AMZ1: variants seen among roughly 807,000 people sequenced by gnomAD.
The protein encoded by AMZ1 is archaelysin family metallopeptidase 1, also known as archaemetzincin-1.
AMZ1 carries 39 observed loss-of-function variants against 29.9 expected under a neutral mutation model. The ratio of observed to expected loss-of-function variants is 1.30; its 90% CI spans 1.01 to 1.70. The LOEUF is 1.70. Ranked by LOEUF, AMZ1 falls within the 40% of genes most tolerant of loss-of-function variation. AMZ1 has a pLI of 0.00. For missense variants in AMZ1, 1,041 were observed against 680.6 expected (o/e 1.53, Z -5.89); for synonymous variants, 458 against 304.0 (o/e 1.51, Z -5.27).
chr7:2,743,856 C>T (rs902643917), intron 4 of AMZ1, among the ~76,000 whole-genome samples: 6 of 152,162 alleles, frequency 3.9e-5, no homozygotes, highest in East Asian at 1.9e-4. Flanking sequence ...GCTTAAAAAA[C>T]GGCACACCAG....
intron 4 of AMZ1, among the ~76,000 whole-genome samples, chr7:2,743,611 A>G (rs555210506): frequency 7.0e-4 from 107 of 152,306 alleles, no homozygotes; most frequent in Non-Finnish European, 1.3e-3. Context: ...CAGCGTGAGC[A>G]ATGCAGAAGA....
chr7:2,731,424 C>G lies in AMZ1; in HGVS notation n.550+21608C>G. 3 of 1,613,388 alleles carry G rather than the reference C, an allele frequency of 1.9e-6. No homozygotes were observed. The Admixed American group carries it at 5.0e-5, about 27-fold the overall frequency. The stretch of plus-strand genomic sequence containing the variant: ...TGCTCACGGTCTTCACCTTCTCCAC[C>G]AGGAGGTCCATCTTGTTGAGGAAGA... On this transcript the variant is annotated intron_variant and non_coding_transcript_variant, in intron 4 of 4. Coordinates refer to the AMZ1 transcript ENST00000489665. The surrounding 1 kb of genome is among the most constrained non-coding windows in gnomAD (Gnocchi z 6.0).
At position 2,709,725 on chromosome 7, in the gene AMZ1, A is replaced by G. The variant is rs1788636468; in HGVS notation, c.857A>G (p.Asp286Gly). ...RCLMQGALSL[D>G]EALRRPLDLC... ...CTCATGCAGGGTGCGCTCAGCCTGG[A>G]CGAGGCCCTGCGGCGGCCCCTGGAC... Residue 286 changes from aspartate to glycine, a missense_variant, in exon 6 of 7, where the codon GAC becomes GGC. By Grantham distance (94) the Asp-to-Gly change is moderately conservative. Coordinates refer to ENST00000683327, the MANE Select transcript of AMZ1 (RefSeq NM_001384743.1). The G allele has an allele frequency of 6.2e-7, 1 of 1,611,204 alleles. No homozygotes were observed. The highest frequency in any genetic ancestry group is 1.7e-5 in the Admixed American group (1 of 59,974).
chr7:2,746,644 C>G (rs1048812892), intron 4 of AMZ1, among the ~76,000 whole-genome samples: 11 of 152,138 alleles, frequency 7.2e-5, no homozygotes, highest in African/African-American at 2.7e-4. Context: ...CAAAAGCCAG[C>G]AGAAGGCAAG....
upstream of AMZ1, among the ~76,000 whole-genome samples, chr7:2,761,510 G>A (rs1053177731): frequency 6.6e-6 from 1 of 152,198 alleles, no homozygotes. Flanking sequence ...TGCAATTCAG[G>A]ATGACTAAAA....
At chr7:2,693,547 T>TTTTTGTTTTG (rs1034822008) in intron 1 of AMZ1, among the ~76,000 whole-genome samples, 15 of 151,814 alleles carry the variant, frequency 9.9e-5, no homozygotes, top group African/African-American at 3.6e-4. Flanking sequence ...ACCCAGCTAA[T>TTTTTGTTTTG]TTTTGTTTTG....
At chr7:2,693,992 T>C (rs1448791421) in intron 1 of AMZ1, among the ~76,000 whole-genome samples, 1 of 152,214 alleles carries the variant, frequency 6.6e-6, no homozygotes, top group East Asian at 1.9e-4. Flanking sequence ...TCCACTCATG[T>C]TGGAAAACCC....
At chr7:2,751,264 T>C (rs1398895900) in intron 4 of AMZ1, among the ~76,000 whole-genome samples, 1 of 151,832 alleles carries the variant, frequency 6.6e-6, no homozygotes, top group Non-Finnish European at 1.5e-5. Context: ...CACATGCTTG[T>C]AGTCCCAGCT....
At position 2,740,548 on chromosome 7, in the gene AMZ1, C is replaced by G. The variant is rs531493003; in HGVS notation, n.551-24164C>G. Among the ~76,000 whole-genome samples the G allele has an allele frequency of 5.3e-5, 8 of 152,210 alleles. No individual in the cohort carries two copies. The South Asian group carries it at 1.2e-3, about 24-fold the overall frequency. ...AATTAATTTCTGTTGTTTAACCCACCCAGTCAGAGTATTTTGTTATGGCAG... is the reference window on the plus strand; with the variant it reads ...AATTAATTTCTGTTGTTTAACCCACGCAGTCAGAGTATTTTGTTATGGCAG... On this transcript the variant is annotated intron_variant and non_coding_transcript_variant, in intron 4 of 4. Transcript: ENST00000489665.
intron 6 of AMZ1, among the ~76,000 whole-genome samples, chr7:2,710,837 G>T (rs973275759): frequency 9.8e-5 from 15 of 152,338 alleles, no homozygotes; most frequent in Admixed American, 4.6e-4. Flanking sequence ...TGGCGTGATG[G>T]CTGGTCAGCA....
chr7:2,762,721 G>A, upstream of AMZ1: 1 of 1,561,396 alleles, frequency 6.4e-7, no homozygotes, highest in Non-Finnish European at 8.7e-7. Context: ...GAGGGAAGCA[G>A]GCCCCATGTC....
At chr7:2,749,236 C>G (rs1482517985) in intron 4 of AMZ1, among the ~76,000 whole-genome samples, 1 of 152,122 alleles carries the variant, frequency 6.6e-6, no homozygotes, top group Non-Finnish European at 1.5e-5. Flanking sequence ...GCACTATTCA[C>G]AATAGCAAAG....
At chr7:2,720,359 AAGAG>A (rs932489663), downstream of AMZ1, among the ~76,000 whole-genome samples, 1 of 152,196 alleles carries the variant, frequency 6.6e-6, no homozygotes, top group African/African-American at 2.4e-5. Flanking sequence ...CTGTGACAAA[AAGAG>A]AAAGACTAGT....
intron 1 of AMZ1, among the ~76,000 whole-genome samples, chr7:2,696,684 A>T (rs980419292): frequency 2.0e-5 from 3 of 151,808 alleles, no homozygotes; most frequent in African/African-American, 7.3e-5. Flanking sequence ...TCAGGAGTTC[A>T]AGACCAACCT....
At chr7:2,751,070 C>T (rs571385026) in intron 4 of AMZ1, among the ~76,000 whole-genome samples, 1 of 152,088 alleles carries the variant, frequency 6.6e-6, no homozygotes, top group Non-Finnish European at 1.5e-5. Flanking sequence ...TACAGCATTT[C>T]GGGGAGAAAT....
At chr7:2,721,250 C>T (rs1016358272), downstream of AMZ1, among the ~76,000 whole-genome samples, 7 of 152,180 alleles carry the variant, frequency 4.6e-5, no homozygotes, top group Admixed American at 3.9e-4. Context: ...AGGCCTGAGC[C>T]GGGCCCTGTG....
chr7:2,763,620 G>C (rs1791679048), upstream of AMZ1, among the ~76,000 whole-genome samples: 1 of 152,230 alleles, frequency 6.6e-6, no homozygotes, highest in South Asian at 2.1e-4. Flanking sequence ...TATGCAGAAA[G>C]AGCTGCAGTG....
At chr7:2,686,933 T>C (rs1232128375), upstream of AMZ1, among the ~76,000 whole-genome samples, 2 of 151,810 alleles carry the variant, frequency 1.3e-5, no homozygotes, top group Non-Finnish European at 2.9e-5. Flanking sequence ...CAGGCCGGTC[T>C]TGAACTCCTG....
chr7:2,708,463 C>G, intron 3 of AMZ1, 125 bp from the exon 4 acceptor site: 1 of 1,444,156 alleles, frequency 6.9e-7, no homozygotes, highest in Non-Finnish European at 9.3e-7. Flanking sequence ...GCTGGTGGCC[C>G]ACACCTGACT....
Sources: gnomAD v4.1 joint callset for allele counts (sites outside exome capture counted in the v4.1 genomes callset) on GRCh38, gnomAD v4.1.1 for gene constraint, Gnocchi (gnomAD v3.1) non-coding constraint, MANE v1.5 for transcripts, NCBI Gene and HGNC (gene_info 2026-07-23, HGNC 2026-07-21) for gene names.